Variants in LDB2 observed in about 807,000 individuals in gnomAD.
LDB2 encodes the protein LIM domain binding 2.
LDB2 carries 12 observed loss-of-function variants against 44.3 expected under a neutral mutation model. The ratio of observed to expected loss-of-function variants is 0.27; its 90% CI spans 0.17 to 0.44. LDB2 has a LOEUF of 0.44. Among genes scored for constraint, LDB2 ranks in the 20% least tolerant of loss-of-function variants. The probability of loss-of-function intolerance (pLI) is 1.00; values close to 1 mark genes in which losing one functional copy is unlikely to be tolerated. For synonymous variants in LDB2, 164 were observed against 174.8 expected (o/e 0.94, Z 0.49); for missense variants, 344 against 473.5 (o/e 0.73, Z 2.54).
rs1560388577 is a variant in LDB2 at position 16,533,658 on chromosome 4, C to T, written c.616-21554G>A. On this transcript the variant is annotated intron_variant, in intron 5 of 7. Transcript: ENST00000304523. The surrounding 1 kb of genome is among the most constrained non-coding windows in gnomAD (Gnocchi z 4.1). The stretch of plus-strand genomic sequence containing the variant: ...CTCCTTCACCATATCCCTAACGTTA[C>T]CAGACACCTTGTCTGAGGGACGTCA... Among the ~76,000 whole-genome samples the T allele has an allele frequency of 6.6e-6, 1 of 152,186 alleles. No homozygotes were observed. Among genetic ancestry groups the T allele is most frequent in the Non-Finnish European group, 1.5e-5 (1 of 68,034 alleles).
intron 2 of LDB2, among the ~76,000 whole-genome samples, chr4:16,656,347 G>C (rs938206505): frequency 3.3e-5 from 5 of 152,194 alleles, no homozygotes; most frequent in Non-Finnish European, 2.9e-5. Context: ...GTCAGAAGGA[G>C]AGCACAGTAT....
chr4:16,742,024 A>G (rs1386076712), intron 2 of LDB2, among the ~76,000 whole-genome samples: 4 of 151,380 alleles, frequency 2.6e-5, no homozygotes, highest in African/African-American at 9.7e-5. Context: ...ATGAATCCAT[A>G]CACCATTTCT....
chr4:16,886,877 A>C (rs1057061138), intron 1 of LDB2, among the ~76,000 whole-genome samples: 13 of 151,666 alleles, frequency 8.6e-5, no homozygotes, highest in Admixed American at 5.9e-4. Context: ...CTAAAAATAC[A>C]AAAAAATAAG....
intron 5 of LDB2, among the ~76,000 whole-genome samples, chr4:16,543,829 C>A (rs1206180873): frequency 6.6e-6 from 1 of 152,088 alleles, no homozygotes; most frequent in Non-Finnish European, 1.5e-5. Flanking sequence ...AACAGGCAAC[C>A]TACAGAATGG....
chr4:16,850,878 A>G (rs1342134799), intron 1 of LDB2, among the ~76,000 whole-genome samples: 1 of 151,916 alleles, frequency 6.6e-6, no homozygotes, highest in East Asian at 1.9e-4. Flanking sequence ...CAGGTCTGAA[A>G]CTCTGAAATG....
chr4:16,699,181 T>TA lies in LDB2; in HGVS notation c.235+59976dup, dbSNP rs369399637. On this transcript the variant is annotated intron_variant, in intron 2 of 7. Transcript: ENST00000304523. The stretch of plus-strand genomic sequence containing the variant: ...CAGGGGACTGCACATTCTTCATCTT[T>TA]AATCGTAAGATAACTCCTTCTAATA... Among the ~76,000 whole-genome samples the TA allele has an allele frequency of 9.2e-5, 14 of 152,360 alleles. 1 individual carries two copies. The East Asian group carries it at 2.5e-3, about 27-fold the overall frequency.
intron 1 of LDB2, among the ~76,000 whole-genome samples, chr4:16,827,614 C>G (rs764836788): frequency 1.1e-4 from 16 of 152,110 alleles, no homozygotes; most frequent in Non-Finnish European, 1.0e-4. Flanking sequence ...AATATACATA[C>G]GTGTGTGTGT....
At chr4:16,679,043 T>C (rs1747099959) in intron 2 of LDB2, among the ~76,000 whole-genome samples, 1 of 152,226 alleles carries the variant, frequency 6.6e-6, no homozygotes, top group South Asian at 2.1e-4. Context: ...ACAAATCATA[T>C]ATACACAAAT....
At chr4:16,799,095 C>T (rs1777280569) in intron 1 of LDB2, among the ~76,000 whole-genome samples, 2 of 152,176 alleles carry the variant, frequency 1.3e-5, no homozygotes, top group South Asian at 2.1e-4. Context: ...CCTCGTGATC[C>T]GCCCTCCTCG....
In LDB2 at chr4:16,876,960, T is replaced by G. The variant is rs181416489; in HGVS notation, c.132+21394A>C. On this transcript the variant is annotated intron_variant, in intron 1 of 7. Coordinates refer to ENST00000304523, the MANE Select transcript of LDB2 (RefSeq NM_001290.5). Reference sequence around the variant, plus strand: ...CTTCGCTCTGTCACACAGACTGGAGTGCAGTGGTGCCATCATAGCTCACTA... The same window carrying G: ...CTTCGCTCTGTCACACAGACTGGAGGGCAGTGGTGCCATCATAGCTCACTA... Among the ~76,000 whole-genome samples the G allele has an allele frequency of 1.2e-3, 184 of 151,236 alleles. 2 individuals carry two copies. The highest frequency in any genetic ancestry group is 4.2e-3 in the African/African-American group (174 of 41,190).
chr4:16,586,141 A>T (rs1716710556), intron 4 of LDB2, 136 bp from the exon 5 acceptor site: 1 of 649,654 alleles, frequency 1.5e-6, no homozygotes, highest in African/African-American at 1.8e-5. Flanking sequence ...TGCTGGAGGT[A>T]ATTTAATTTA....
chr4:16,887,812 T>C (rs1040900431), intron 1 of LDB2, among the ~76,000 whole-genome samples: 2 of 152,104 alleles, frequency 1.3e-5, no homozygotes, highest in African/African-American at 4.8e-5. Flanking sequence ...GGTGCCCTGG[T>C]CAGAGAAATG....
chr4:16,807,160 C>T (rs1441871237), intron 1 of LDB2, among the ~76,000 whole-genome samples: 5 of 152,154 alleles, frequency 3.3e-5, no homozygotes, highest in East Asian at 1.9e-4. Flanking sequence ...ATAATTTCAT[C>T]GCCATCTCAT....
chr4:16,644,250 A>C (rs1736014294), intron 2 of LDB2, among the ~76,000 whole-genome samples: 1 of 152,200 alleles, frequency 6.6e-6, no homozygotes, highest in Non-Finnish European at 1.5e-5. Flanking sequence ...ACAGAATGCC[A>C]ACCAGTGTAG....
chr4:16,640,864 AGGTCCTTATTAG>A (rs1734934544), intron 2 of LDB2, among the ~76,000 whole-genome samples: 1 of 152,244 alleles, frequency 6.6e-6, no homozygotes, highest in Non-Finnish European at 1.5e-5. Flanking sequence ...TATTTGAAAT[AGGTCCTTATTAG>A]GAAATATTGT....
intron 1 of LDB2, among the ~76,000 whole-genome samples, chr4:16,862,339 A>C (rs1476988407): frequency 6.6e-6 from 1 of 151,898 alleles, no homozygotes; most frequent in Non-Finnish European, 1.5e-5. Flanking sequence ...TCTTACATGA[A>C]TCAAAGAGCC....
chr4:16,573,241 A>G (rs1272255343), intron 5 of LDB2, among the ~76,000 whole-genome samples: 3 of 152,214 alleles, frequency 2.0e-5, no homozygotes, highest in African/African-American at 7.2e-5. Flanking sequence ...GTATTATGAT[A>G]ATTGTTATTC....
At chr4:16,886,889 C>T (rs895796295) in intron 1 of LDB2, among the ~76,000 whole-genome samples, 44 of 151,492 alleles carry the variant, frequency 2.9e-4, no homozygotes, top group African/African-American at 1.0e-3. Flanking sequence ...AAAAATAAGC[C>T]GGGTGTGGTG....
At chr4:16,715,781 G>C (rs1482857831) in intron 2 of LDB2, among the ~76,000 whole-genome samples, 1 of 152,086 alleles carries the variant, frequency 6.6e-6, no homozygotes, top group Non-Finnish European at 1.5e-5. Context: ...GTATGGGGAA[G>C]TCACTAGTAT....
Sources: allele counts gnomAD v4.1 joint callset (sites outside exome capture counted in the v4.1 genomes callset), GRCh38; gene constraint gnomAD v4.1.1; non-coding constraint Gnocchi (gnomAD v3.1); transcripts MANE v1.5; gene names NCBI Gene and HGNC (gene_info 2026-07-23, HGNC 2026-07-21).